The following KCNIP4 variants were observed in gnomAD, a reference collection of about 807,000 sequenced individuals.
KCNIP4 encodes potassium voltage-gated channel interacting protein 4.
KCNIP4 carries 12 observed loss-of-function variants against 34.0 expected under a neutral mutation model. The observed-to-expected ratio is 0.35, with a 90% CI of 0.23 to 0.57. KCNIP4 has a LOEUF of 0.57. Ranked by LOEUF, KCNIP4 falls within the 20% of genes least tolerant of loss-of-function variation. The pLI is 0.83. For missense variants in KCNIP4, 238 were observed against 311.7 expected (o/e 0.76, Z 1.78); for synonymous variants, 124 against 102.2 (o/e 1.21, Z -1.29).
chr4:20,920,707 T>G (rs936239875), intron 1 of KCNIP4, among the ~76,000 whole-genome samples: 5 of 151,986 alleles, frequency 3.3e-5, no homozygotes, highest in Non-Finnish European at 5.9e-5. Flanking sequence ...AAGATAAGCT[T>G]GGGGCCGGGC....
intron 1 of KCNIP4, among the ~76,000 whole-genome samples, chr4:21,576,464 C>A (rs1005777969): frequency 6.6e-6 from 1 of 152,086 alleles, no homozygotes; most frequent in Non-Finnish European, 1.5e-5. Flanking sequence ...TCTAAATTTT[C>A]TTTGAAAATT....
chr4:21,501,968 TTC>T (rs149680713), intron 1 of KCNIP4, among the ~76,000 whole-genome samples: 9 of 144,886 alleles, frequency 6.2e-5, no homozygotes, highest in Non-Finnish European at 7.5e-5. Flanking sequence ...AGGGAGAATT[TTC>T]TCTCTCTCTC....
intron 1 of KCNIP4, among the ~76,000 whole-genome samples, chr4:21,786,212 G>T (rs561938519): frequency 1.3e-5 from 2 of 152,228 alleles, no homozygotes; most frequent in South Asian, 4.1e-4. Context: ...CTCCCAAAGT[G>T]CTGGGATTAC....
intron 1 of KCNIP4, among the ~76,000 whole-genome samples, chr4:21,148,082 C>T (rs1278756439): frequency 2.6e-5 from 4 of 151,664 alleles, no homozygotes; most frequent in African/African-American, 9.7e-5. Context: ...TCAATGAATA[C>T]TCAGTGAATC....
At chr4:21,670,903 G>A (rs1000203159) in intron 1 of KCNIP4, among the ~76,000 whole-genome samples, 24 of 151,932 alleles carry the variant, frequency 1.6e-4, no homozygotes, top group Non-Finnish European at 2.4e-4. Flanking sequence ...TGATCCGCCC[G>A]CCTCGGCCTC....
intron 1 of KCNIP4, among the ~76,000 whole-genome samples, chr4:21,591,449 T>C (rs1345213683): frequency 6.6e-6 from 1 of 152,116 alleles, no homozygotes; most frequent in East Asian, 1.9e-4. Context: ...TGAGATATTT[T>C]GTAACTACGT....
intron 1 of KCNIP4, among the ~76,000 whole-genome samples, chr4:21,174,235 A>G (rs1409148280): frequency 6.6e-6 from 1 of 152,236 alleles, no homozygotes; most frequent in East Asian, 1.9e-4. Flanking sequence ...AGGTGACCAT[A>G]CAAATGTGTC....
intron 1 of KCNIP4, among the ~76,000 whole-genome samples, chr4:20,940,013 C>A (rs1731478344): frequency 6.6e-6 from 1 of 152,180 alleles, no homozygotes; most frequent in South Asian, 2.1e-4. Context: ...CTACGTCATT[C>A]CACTCCTAGA....
chr4:20,974,357 CG>C (rs1735276318), intron 1 of KCNIP4, among the ~76,000 whole-genome samples: 1 of 152,082 alleles, frequency 6.6e-6, no homozygotes. Flanking sequence ...TGCTGTACCA[CG>C]TACATCAGGA....
intron 1 of KCNIP4, among the ~76,000 whole-genome samples, chr4:20,965,560 C>T (rs1734259655): frequency 6.6e-6 from 1 of 152,086 alleles, no homozygotes; most frequent in South Asian, 2.1e-4. Flanking sequence ...AACTTGTGCC[C>T]TAAAGAATAG....
chr4:21,891,479 G>A (rs1389820354), intron 1 of KCNIP4, among the ~76,000 whole-genome samples: 1 of 152,058 alleles, frequency 6.6e-6, no homozygotes, highest in Non-Finnish European at 1.5e-5. Flanking sequence ...CTGAAGGATA[G>A]ACACCAGTGA....
chr4:20,798,512 C>A (rs1490991921), intron 3 of KCNIP4, among the ~76,000 whole-genome samples: 1 of 150,842 alleles, frequency 6.6e-6, no homozygotes, highest in South Asian at 2.1e-4. Context: ...CACACACACA[C>A]AGACACACAC....
chr4:21,247,735 G>GATATATATAT (rs58465908), intron 1 of KCNIP4, among the ~76,000 whole-genome samples: 629 of 61,324 alleles, frequency 0.01, 27 homozygotes, highest in African/African-American at 0.034. Context: ...TCCACAGGTG[G>GATATATATAT]ATATATATAT....
At position 21,311,980 on chromosome 4, in the gene KCNIP4, AT is replaced by A. The variant is rs761964864; in HGVS notation, c.62-429272del. On this transcript the variant is annotated intron_variant, in intron 1 of 8. Transcript: ENST00000382152. Reference sequence around the variant, plus strand: ...TGTAGTTCTAGACTAGTCTAGTCTTATTTGGTCTAGTTCCATGACTAGACAA... The same window carrying A: ...TGTAGTTCTAGACTAGTCTAGTCTTATTGGTCTAGTTCCATGACTAGACAA... 8.5e-5 allele frequency among the ~76,000 whole-genome samples: 13 copies of A among 152,278 alleles called. No homozygotes were observed. The East Asian group carries it at 1.2e-3, about 14-fold the overall frequency.
intron 1 of KCNIP4, among the ~76,000 whole-genome samples, chr4:21,036,771 C>T (rs372002911): frequency 7.9e-5 from 12 of 152,166 alleles, no homozygotes; most frequent in African/African-American, 1.9e-4. Context: ...TGTTTCATGA[C>T]GGCTTTTTAA....
At chr4:21,243,024 C>G (rs538328397) in intron 1 of KCNIP4, among the ~76,000 whole-genome samples, 2 of 151,944 alleles carry the variant, frequency 1.3e-5, no homozygotes, top group Non-Finnish European at 2.9e-5. Context: ...AGCAGAATAT[C>G]TAGCACATAT....
chr4:21,542,492 A>T (rs1737789918), intron 1 of KCNIP4, among the ~76,000 whole-genome samples: 1 of 152,110 alleles, frequency 6.6e-6, no homozygotes, highest in Non-Finnish European at 1.5e-5. Context: ...TCAATAAAAT[A>T]GCGAAAAATA....
chr4:21,771,923 T>C (rs1041822919), intron 1 of KCNIP4, among the ~76,000 whole-genome samples: 3 of 152,166 alleles, frequency 2.0e-5, no homozygotes, highest in African/African-American at 7.2e-5. Flanking sequence ...ATTCTTTTTC[T>C]TGCCTAATTG....
intron 4 of KCNIP4, among the ~76,000 whole-genome samples, chr4:20,751,886 A>G (rs1482243365): frequency 1.3e-5 from 2 of 152,100 alleles, no homozygotes; most frequent in African/African-American, 2.4e-5. Flanking sequence ...AGTCTAGACA[A>G]TCTATGCACA....
Sources: gnomAD v4.1 joint callset for allele counts (sites outside exome capture counted in the v4.1 genomes callset) on GRCh38, gnomAD v4.1.1 for gene constraint, MANE v1.5 for transcripts, NCBI Gene and HGNC (gene_info 2026-07-23, HGNC 2026-07-21) for gene names.